The following PACS1 variants were observed in gnomAD, a reference collection of about 807,000 sequenced individuals.
PACS1 encodes phosphofurin acidic cluster sorting protein 1, also known as PACS-1.
A neutral mutation model predicts 115.0 loss-of-function variants in PACS1; 24 were observed. The ratio of observed to expected loss-of-function variants is 0.21; its 90% CI spans 0.15 to 0.29. PACS1 has a LOEUF of 0.29. PACS1 is among the 10% of genes least tolerant of loss of function. PACS1 has a pLI of 1.00. For missense variants in PACS1, 838 were observed against 1,251.2 expected (o/e 0.67, Z 4.98); for synonymous variants, 453 against 504.5 (o/e 0.90, Z 1.37).
intron 21 of PACS1, among the ~76,000 whole-genome samples, chr11:66,240,245 G>C (rs1452526179): frequency 1.3e-5 from 2 of 152,202 alleles, no homozygotes; most frequent in East Asian, 3.9e-4. Flanking sequence ...TATAGCAGGA[G>C]GCCGTGTCTT....
In PACS1 at chr11:66,179,176, C is replaced by T. The variant is rs1590800309; in HGVS notation, c.357-14310C>T. ...GGTTTGATTTGCATTTTCTTTGTTA[C>T]TAATGAACTTAACCATCTTTTTATA... On this transcript the variant is annotated intron_variant, in intron 1 of 23. Transcript: ENST00000320580. Among the ~76,000 whole-genome samples the T allele has an allele frequency of 2.0e-5, 3 of 152,320 alleles. 1 individual carries two copies. Among genetic ancestry groups the T allele is most frequent in the Middle Eastern group, 3.4e-3 (1 of 294 alleles).
Position 66,216,151 on chromosome 11 carries a change from G to T in PACS1, c.693G>T (p.Val231=), listed in dbSNP as rs1446947648. 1 of 1,613,852 alleles carries T rather than the reference G, an allele frequency of 6.2e-7. No individual in the cohort carries two copies. Among genetic ancestry groups the T allele is most frequent in the African/African-American group, 1.3e-5 (1 of 74,888 alleles). The change falls in exon 5 of 24, where the codon GTG becomes GTT. Residue 231 remains valine (V), a synonymous_variant. Coordinates refer to ENST00000320580, the MANE Select transcript of PACS1 (RefSeq NM_018026.4). ...VMQHPNEGAL[V]LGLHSNVKDV... is the part of the protein sequence containing the mutation. ...AGCATCCTAATGAAGGCGCACTGGT[G>T]CTTGGCCTACACAGCAACGTGAAGG...
intron 1 of PACS1, among the ~76,000 whole-genome samples, chr11:66,139,552 G>A (rs1385251917): frequency 6.7e-6 from 1 of 150,332 alleles, no homozygotes; most frequent in Non-Finnish European, 1.5e-5. Context: ...GTCTCCATGA[G>A]TTTAATTGTA....
chr11:66,216,382 A>G, intron 5 of PACS1, 119 bp downstream of exon 5: 1 of 1,445,610 alleles, frequency 6.9e-7, no homozygotes, highest in Non-Finnish European at 9.6e-7. Context: ...CTGAAAGTAA[A>G]ATGTGGCTTC....
intron 7 of PACS1, 86 bp from the exon 8 acceptor site, chr11:66,219,660 G>GA: frequency 3.1e-6 from 3 of 982,584 alleles, no homozygotes; most frequent in Non-Finnish European, 3.3e-6. Flanking sequence ...AGCTCGTCAT[G>GA]AAAGTGGGCT....
At chr11:66,225,858 TGATTCTA>T in intron 10 of PACS1, among the ~76,000 whole-genome samples, 1 of 152,196 alleles carries the variant, frequency 6.6e-6, no homozygotes, top group Non-Finnish European at 1.5e-5. Context: ...AGCTTTTCCA[TGATTCTA>T]GATTCTATTA....
chr11:66,078,242 G>A (rs1303036316), intron 1 of PACS1, among the ~76,000 whole-genome samples: 1 of 152,144 alleles, frequency 6.6e-6, no homozygotes, highest in African/African-American at 2.4e-5. Context: ...AGAACTGTAT[G>A]CGTCTTAGAA....
intron 1 of PACS1, among the ~76,000 whole-genome samples, chr11:66,167,938 T>G (rs1859644872): frequency 6.6e-6 from 1 of 150,414 alleles, no homozygotes; most frequent in Admixed American, 6.6e-5. Context: ...TTCCCCACCT[T>G]GTTTCTTTTC....
intron 1 of PACS1, among the ~76,000 whole-genome samples, chr11:66,082,663 G>A (rs1204794512): frequency 1.3e-5 from 2 of 152,112 alleles, no homozygotes; most frequent in Non-Finnish European, 2.9e-5. Context: ...GGAGTTACCT[G>A]GCCAACATGG....
intron 1 of PACS1, among the ~76,000 whole-genome samples, chr11:66,157,064 C>T (rs1052992215): frequency 6.6e-6 from 1 of 152,052 alleles, no homozygotes; most frequent in Non-Finnish European, 1.5e-5. Flanking sequence ...AATTTTGTCT[C>T]CCCTCAATTA....
chr11:66,232,058 T>C (rs1855607380), intron 13 of PACS1, 114 bp from the exon 14 acceptor site: 2 of 656,750 alleles, frequency 3.0e-6, no homozygotes, highest in African/African-American at 3.6e-5. Flanking sequence ...AGTCCTGATA[T>C]CTGTTCTCTC....
intron 1 of PACS1, among the ~76,000 whole-genome samples, chr11:66,118,964 T>TTA (rs773311548): frequency 2.0e-5 from 3 of 152,050 alleles, no homozygotes; most frequent in Non-Finnish European, 2.9e-5. Context: ...CCACAACATG[T>TTA]TATAGTAAGT....
intron 1 of PACS1, among the ~76,000 whole-genome samples, chr11:66,142,596 C>G (rs1053176564): frequency 2.7e-5 from 4 of 145,998 alleles, no homozygotes; most frequent in African/African-American, 1.0e-4. Context: ...GCGTGAGGCA[C>G]TGCGTCTGGC....
intron 1 of PACS1, among the ~76,000 whole-genome samples, chr11:66,102,177 A>C (rs1462405486): frequency 1.3e-5 from 2 of 152,124 alleles, no homozygotes; most frequent in Non-Finnish European, 2.9e-5. Context: ...GAATGGCTGA[A>C]GAAGGATTTA....
At position 66,233,770 on chromosome 11, in the gene PACS1, C is replaced by A; in HGVS notation, c.1839-15C>A. 7 of 1,611,496 alleles carry A rather than the reference C, an allele frequency of 4.3e-6. No homozygotes were observed. The highest frequency in any genetic ancestry group is 5.9e-6 in the Non-Finnish European group (7 of 1,178,636). ...CACCCCTGAGCACTGCTATGACGCT[C>A]CCCTTCCTCCCCAGCTGCAACTGCA... On this transcript the variant is annotated splice_polypyrimidine_tract_variant and intron_variant, in intron 15 of 23. Coordinates refer to ENST00000320580, the MANE Select transcript of PACS1 (RefSeq NM_018026.4). The surrounding 1 kb of genome is among the most constrained non-coding windows in gnomAD (Gnocchi z 4.5).
chr11:66,210,942 C>T (rs1421927167), intron 3 of PACS1, among the ~76,000 whole-genome samples, 192 bp from the exon 4 acceptor site: 1 of 152,206 alleles, frequency 6.6e-6, no homozygotes, highest in African/African-American at 2.4e-5. Flanking sequence ...GACCCCAGAG[C>T]TGTGGCGTAG....
rs1413868026 is a variant in PACS1, at chr11:66,092,446, C to T, written c.356+21604C>T. ...AGCCCTTTGTCAGATGAGTAGGTTGCGAAAATTCTCTCCCATTTTGTAGGT... is the reference window on the plus strand; with the variant it reads ...AGCCCTTTGTCAGATGAGTAGGTTGTGAAAATTCTCTCCCATTTTGTAGGT... On this transcript the variant is annotated intron_variant, in intron 1 of 23. Coordinates refer to ENST00000320580, the MANE Select transcript of PACS1 (RefSeq NM_018026.4). Among the ~76,000 whole-genome samples, 12 of 152,216 alleles carry T rather than the reference C, an allele frequency of 7.9e-5. No homozygotes were observed. The South Asian group carries it at 1.9e-3, about 24-fold the overall frequency.
chr11:66,174,002 A>G (rs1294460902), intron 1 of PACS1, among the ~76,000 whole-genome samples: 2 of 152,134 alleles, frequency 1.3e-5, no homozygotes, highest in Non-Finnish European at 2.9e-5. Flanking sequence ...CAGTGAGTCG[A>G]GATCGTGCCA....
chr11:66,192,205 T>G (rs1854541734), intron 1 of PACS1, among the ~76,000 whole-genome samples: 1 of 152,182 alleles, frequency 6.6e-6, no homozygotes, highest in Admixed American at 6.5e-5. Context: ...TAACAAATAT[T>G]TGCTGAGCAA....
Sources: allele counts gnomAD v4.1 joint callset (sites outside exome capture counted in the v4.1 genomes callset), GRCh38; gene constraint gnomAD v4.1.1; non-coding constraint Gnocchi (gnomAD v3.1); transcripts MANE v1.5; gene names NCBI Gene and HGNC (gene_info 2026-07-23, HGNC 2026-07-21).